Variants in PHF20 observed in about 807,000 individuals in gnomAD.
PHF20 encodes the protein glioma-expressed antigen 2.
Under a neutral mutation model 113.5 loss-of-function variants are expected in PHF20, and 23 were observed. The observed-to-expected ratio is 0.20, with a 90% CI of 0.15 to 0.29. PHF20 has a LOEUF of 0.29. Among genes scored for constraint, PHF20 ranks in the 10% least tolerant of loss-of-function variants. The probability of loss-of-function intolerance (pLI) is 1.00; values close to 1 mark genes in which losing one functional copy is unlikely to be tolerated. For synonymous variants in PHF20, 434 were observed against 457.3 expected (o/e 0.95, Z 0.65); for missense variants, 943 against 1,219.6 (o/e 0.77, Z 3.38).
rs1452972915 is a variant in PHF20, at chr20:35,847,337, TTA to T, written c.256-11_256-10del. On this transcript the variant is annotated splice_polypyrimidine_tract_variant and intron_variant, in intron 3 of 17. Coordinates refer to ENST00000374012, the MANE Select transcript of PHF20 (RefSeq NM_016436.5). ...TGGTAACAGGATCTTTTTTTTTTTTTTATGTTTTTTAGGAATTTCAAATAAAT... is the reference window on the plus strand; with the variant it reads ...TGGTAACAGGATCTTTTTTTTTTTTTTGTTTTTTAGGAATTTCAAATAAAT... 3 of 1,571,262 alleles carry T rather than the reference TTA, an allele frequency of 1.9e-6. No individual in the cohort carries two copies. Among genetic ancestry groups the T allele is most frequent in the Admixed American group, 1.8e-5 (1 of 56,320 alleles).
chr20:35,783,361 A>G (rs2041340052), intron 1 of PHF20, among the ~76,000 whole-genome samples: 1 of 151,928 alleles, frequency 6.6e-6, no homozygotes, highest in African/African-American at 2.4e-5. Context: ...GGGCCTTGTT[A>G]GTTTGTATTT....
At chr20:35,812,434 T>A (rs946927142) in intron 2 of PHF20, among the ~76,000 whole-genome samples, 2 of 152,100 alleles carry the variant, frequency 1.3e-5, no homozygotes, top group Non-Finnish European at 2.9e-5. Context: ...AATAAAAAAA[T>A]TTTTCCCCTT....
chr20:35,891,018 T>C (rs556428784), intron 9 of PHF20, among the ~76,000 whole-genome samples: 2 of 152,304 alleles, frequency 1.3e-5, no homozygotes, highest in Admixed American at 6.5e-5. Flanking sequence ...GAAACAGTCT[T>C]GGAGAGGCTA....
chr20:35,845,776 C>CT, intron 3 of PHF20, among the ~76,000 whole-genome samples: 1 of 141,746 alleles, frequency 7.1e-6, no homozygotes, highest in Non-Finnish European at 1.5e-5. Flanking sequence ...TTCTATTTTT[C>CT]TTTCTTTTTT....
At position 35,906,209 on chromosome 20, in the gene PHF20, C is replaced by T. The variant is rs114847012; in HGVS notation, c.1561+6561C>T. ...GGAGTGGGCACCTCTTCATTGCCATCCACACCTTTTCTCATGGGACTACAC... is the reference window on the plus strand; with the variant it reads ...GGAGTGGGCACCTCTTCATTGCCATTCACACCTTTTCTCATGGGACTACAC... On this transcript the variant is annotated intron_variant, in intron 10 of 17. Coordinates refer to ENST00000374012, the MANE Select transcript of PHF20 (RefSeq NM_016436.5). Among the ~76,000 whole-genome samples, 394 of 152,342 alleles carry T rather than the reference C, an allele frequency of 2.6e-3. 4 individuals carry two copies. The highest frequency in any genetic ancestry group is 9.3e-3 in the African/African-American group (385 of 41,590).
At chr20:35,936,936 C>T (rs2055876117) in intron 15 of PHF20, among the ~76,000 whole-genome samples, 1 of 152,136 alleles carries the variant, frequency 6.6e-6, no homozygotes, top group South Asian at 2.1e-4. Context: ...TTGTGAGACA[C>T]CCTCAGGAAG....
chr20:35,872,652 A>G (rs1050176870), intron 9 of PHF20, among the ~76,000 whole-genome samples: 1 of 152,180 alleles, frequency 6.6e-6, no homozygotes, highest in Non-Finnish European at 1.5e-5. Flanking sequence ...TTTGTTGACC[A>G]TGGGTTACTT....
At chr20:35,930,381 A>G (rs1273716166) in intron 14 of PHF20, among the ~76,000 whole-genome samples, 1 of 152,166 alleles carries the variant, frequency 6.6e-6, no homozygotes, top group East Asian at 1.9e-4. Flanking sequence ...TGTGTAAGGT[A>G]GTGATGAATG....
At chr20:35,843,205 A>G (rs2042562142) in intron 3 of PHF20, among the ~76,000 whole-genome samples, 1 of 151,246 alleles carries the variant, frequency 6.6e-6, no homozygotes, top group East Asian at 2.0e-4. Flanking sequence ...ATCTTTTGTT[A>G]AGCTGTCTGG....
intron 9 of PHF20, among the ~76,000 whole-genome samples, chr20:35,893,668 G>C (rs2054920751): frequency 1.3e-5 from 2 of 151,078 alleles, no homozygotes; most frequent in Admixed American, 1.3e-4. Context: ...AGGCTGCAGT[G>C]CAATGGTGTG....
At chr20:35,778,265 AG>A (rs1411579995) in intron 1 of PHF20, among the ~76,000 whole-genome samples, 2 of 152,084 alleles carry the variant, frequency 1.3e-5, no homozygotes, top group African/African-American at 4.8e-5. Context: ...TTGTAGTTTT[AG>A]TAGAGACAAG....
rs1286722425 is a variant in PHF20, at chr20:35,931,278, G to A, written c.2134G>A (p.Asp712Asn). ...GAGGCCTGGCTTCAAGTACTGGTAT[G>A]ACAAGGAGTGGCTGAGCAGGGGACA... Reference protein sequence around the residue: ...GQRPGFKYWYDKEWLSRGHMH... With the variant: ...GQRPGFKYWYNKEWLSRGHMH... Residue 712 changes from aspartate (D) to asparagine (N), a missense_variant, in exon 15 of 18, where the codon GAC becomes AAC. Transcript: ENST00000374012. The A allele has an allele frequency of 3.7e-6, 6 of 1,613,498 alleles. No homozygotes were observed. Among genetic ancestry groups the A allele is most frequent in the Admixed American group, 1.7e-5 (1 of 60,016 alleles).
intron 13 of PHF20, among the ~76,000 whole-genome samples, chr20:35,925,138 T>C (rs147274870): frequency 6.6e-6 from 1 of 152,310 alleles, no homozygotes; most frequent in East Asian, 1.9e-4. Context: ...CTTTATAATA[T>C]TTTTAAAATA....
chr20:35,799,787 C>T (rs1017087768), intron 1 of PHF20, among the ~76,000 whole-genome samples: 1 of 152,154 alleles, frequency 6.6e-6, no homozygotes, highest in Non-Finnish European at 1.5e-5. Flanking sequence ...TCTGCCTCAG[C>T]CTCCCAAGTA....
chr20:35,782,273 C>CT (rs2041316276), intron 1 of PHF20: 4 of 122,012 alleles, frequency 3.3e-5, no homozygotes, highest in South Asian at 2.6e-4. Flanking sequence ...TTTTTTTTTT[C>CT]TTTTTTTCTT....
chr20:35,945,734 A>G (rs755490036), intron 17 of PHF20, among the ~76,000 whole-genome samples: 11 of 152,160 alleles, frequency 7.2e-5, no homozygotes, highest in Non-Finnish European at 1.5e-4. Flanking sequence ...GTCTCTCCCC[A>G]AATGCCAGAG....
chr20:35,931,484 G>T, intron 15 of PHF20, 40 bp downstream of exon 15: 4 of 1,532,090 alleles, frequency 2.6e-6, no homozygotes, highest in Non-Finnish European at 3.6e-6. Flanking sequence ...AGTCTGTTTG[G>T]CATGGTCTGG....
chr20:35,831,065 A>G (rs577124759), intron 2 of PHF20, among the ~76,000 whole-genome samples: 3 of 152,242 alleles, frequency 2.0e-5, no homozygotes, highest in Non-Finnish European at 2.9e-5. Context: ...ACTATGTGGG[A>G]GTGATTTTAT....
chr20:35,790,505 C>G (rs2041523814), intron 1 of PHF20, among the ~76,000 whole-genome samples: 1 of 152,090 alleles, frequency 6.6e-6, no homozygotes, highest in African/African-American at 2.4e-5. Flanking sequence ...CTGACCTGTG[C>G]TAATAACTTT....
Sources: gnomAD v4.1 joint callset for allele counts (sites outside exome capture counted in the v4.1 genomes callset) on GRCh38, gnomAD v4.1.1 for gene constraint, MANE v1.5 for transcripts, NCBI Gene and HGNC (gene_info 2026-07-23, HGNC 2026-07-21) for gene names.